The following COL19A1 variants were observed in gnomAD, a reference collection of about 807,000 sequenced individuals.
The protein encoded by COL19A1 is collagen type XIX alpha 1 chain.
Under a neutral mutation model 190.2 loss-of-function variants are expected in COL19A1, and 159 were observed. The observed-to-expected ratio is 0.84, with a 90% CI of 0.73 to 0.95. The LOEUF is 0.95. Ranked by LOEUF, COL19A1 falls within the 40% of genes least tolerant of loss-of-function variation. COL19A1 has a pLI of 0.00. For missense variants in COL19A1, 1,418 were observed against 1,431.9 expected (o/e 0.99, Z 0.16); for synonymous variants, 509 against 458.9 (o/e 1.11, Z -1.39).
intron 11 of COL19A1, among the ~76,000 whole-genome samples, chr6:69,988,584 A>G (rs930398692): frequency 6.6e-6 from 1 of 152,234 alleles, no homozygotes; most frequent in Non-Finnish European, 1.5e-5. Flanking sequence ...ATCAGACAAG[A>G]AAGTTTACTG....
intron 4 of COL19A1, among the ~76,000 whole-genome samples, chr6:69,913,569 G>C (rs1771101276): frequency 6.6e-6 from 1 of 152,144 alleles, no homozygotes; most frequent in Non-Finnish European, 1.5e-5. Context: ...TGTATGTTGT[G>C]GTAGTTAGAG....
chr6:70,082,515 C>A (rs957363449), intron 15 of COL19A1, among the ~76,000 whole-genome samples: 3 of 152,062 alleles, frequency 2.0e-5, no homozygotes, highest in Admixed American at 6.6e-5. Flanking sequence ...CGGGTTCAAG[C>A]GATTCTCCTG....
intron 11 of COL19A1, among the ~76,000 whole-genome samples, chr6:69,984,170 TG>T (rs1243535036): frequency 6.6e-6 from 1 of 152,160 alleles, no homozygotes; most frequent in Admixed American, 6.5e-5. Context: ...TTGAAATTTT[TG>T]CTCCAGTGGT....
At chr6:69,962,110 ATG>A (rs1359657848) in intron 10 of COL19A1, among the ~76,000 whole-genome samples, 16 of 152,270 alleles carry the variant, frequency 1.1e-4, no homozygotes, top group African/African-American at 3.8e-4. Context: ...AGTGCCTGAC[ATG>A]TAGGAGGCAC....
At chr6:69,948,188 T>C (rs1040287540) in intron 9 of COL19A1, among the ~76,000 whole-genome samples, 2 of 151,878 alleles carry the variant, frequency 1.3e-5, no homozygotes, top group Non-Finnish European at 2.9e-5. Flanking sequence ...TGAATTATTC[T>C]GAACATGGGA....
At chr6:70,093,340 A>T (rs540612889) in intron 15 of COL19A1, among the ~76,000 whole-genome samples, 3 of 152,196 alleles carry the variant, frequency 2.0e-5, no homozygotes, top group African/African-American at 7.2e-5. Context: ...TATTCAGGAA[A>T]TTGTTTAGCC....
At chr6:70,103,449 T>C (rs1783758954) in intron 16 of COL19A1, among the ~76,000 whole-genome samples, 1 of 152,180 alleles carries the variant, frequency 6.6e-6, no homozygotes, top group Admixed American at 6.6e-5. Context: ...TTAAAACTAT[T>C]TGATTTTAAA....
At chr6:70,132,002 C>T (rs2093375) in intron 18 of COL19A1, among the ~76,000 whole-genome samples, 76,416 of 151,966 alleles carry the variant, frequency 0.5, 20,494 homozygotes, top group African/African-American at 0.69. Flanking sequence ...ATAAATAACA[C>T]AGAAAAGTCT....
chr6:70,067,295 A>AG (rs1208076172), intron 14 of COL19A1, among the ~76,000 whole-genome samples: 10 of 152,148 alleles, frequency 6.6e-5, no homozygotes, highest in Non-Finnish European at 1.5e-5. Context: ...GTGGAGAGAA[A>AG]TGGATGAATC....
At chr6:70,026,513 C>CTTG (rs1431626356) in intron 12 of COL19A1, among the ~76,000 whole-genome samples, 2 of 152,214 alleles carry the variant, frequency 1.3e-5, no homozygotes, top group Non-Finnish European at 2.9e-5. Flanking sequence ...ACTTTTCTCA[C>CTTG]TTGGTTACTT....
intron 15 of COL19A1, among the ~76,000 whole-genome samples, chr6:70,096,263 AT>A (rs35582806): frequency 1.1e-3 from 157 of 145,362 alleles, no homozygotes; most frequent in Non-Finnish European, 9.7e-4. Context: ...TAATTTTTGT[AT>A]TTTTTTTTTT....
At chr6:70,006,881 T>C (rs2150090323) in intron 11 of COL19A1, among the ~76,000 whole-genome samples, 1 of 152,114 alleles carries the variant, frequency 6.6e-6, no homozygotes, top group East Asian at 1.9e-4. Context: ...TTAACTGGAA[T>C]AGATTATGAT....
Position 70,027,609 on chromosome 6 carries a change from G to C in COL19A1, c.1080+3929G>C, listed in dbSNP as rs1271241919. Among the ~76,000 whole-genome samples the C allele has an allele frequency of 4.7e-5, 7 of 149,770 alleles. No homozygotes were observed. The East Asian group carries it at 1.4e-3, about 29-fold the overall frequency. ...TATGTGTGTGCATGCCTAAACTTTT[G>C]TTTGATGTCTGTGGTATTACTAAAC... On this transcript the variant is annotated intron_variant, in intron 12 of 50. Transcript: ENST00000620364.
chr6:69,960,825 G>T (rs1344513350), intron 10 of COL19A1, among the ~76,000 whole-genome samples: 1 of 151,734 alleles, frequency 6.6e-6, no homozygotes, highest in East Asian at 1.9e-4. Context: ...TAGAGATGGG[G>T]TTTCACCATG....
chr6:69,867,093 CTT>C (rs3044170), intron 1 of COL19A1, among the ~76,000 whole-genome samples: 73,237 of 140,920 alleles, frequency 0.52, 18,894 homozygotes, highest in East Asian at 0.68. Context: ...CGTTAGAGCG[CTT>C]TTTTTTTTTT....
At chr6:69,961,600 C>A (rs774223189) in intron 10 of COL19A1, among the ~76,000 whole-genome samples, 1 of 152,022 alleles carries the variant, frequency 6.6e-6, no homozygotes, top group Admixed American at 6.6e-5. Context: ...AAAATATAGA[C>A]CATGCATTCA....
At chr6:70,145,454 A>T (rs1411117026) in intron 25 of COL19A1, among the ~76,000 whole-genome samples, 1 of 152,168 alleles carries the variant, frequency 6.6e-6, no homozygotes, top group African/African-American at 2.4e-5. Context: ...GTCCTCACTT[A>T]TAAGTGGGAG....
intron 11 of COL19A1, among the ~76,000 whole-genome samples, chr6:70,001,798 TC>T (rs1361466616): frequency 6.6e-6 from 1 of 152,182 alleles, no homozygotes; most frequent in Non-Finnish European, 1.5e-5. Context: ...AAATATGAAA[TC>T]ATGTCATCTG....
intron 46 of COL19A1, 146 bp downstream of exon 46, chr6:70,185,061 A>T: frequency 2.8e-6 from 2 of 710,998 alleles, no homozygotes; most frequent in East Asian, 5.6e-5. Context: ...TCTCTACCAG[A>T]CATTAAATAT....
Sources: allele counts gnomAD v4.1 joint callset (sites outside exome capture counted in the v4.1 genomes callset), GRCh38; gene constraint gnomAD v4.1.1; transcripts MANE v1.5; gene names NCBI Gene and HGNC (gene_info 2026-07-23, HGNC 2026-07-21).